NWD2: variants seen among roughly 807,000 people sequenced by gnomAD.
The protein encoded by NWD2 is NACHT and WD repeat domain containing 2, also known as NACHT and WD repeat domain-containing protein 2.
Under a neutral mutation model 132.7 loss-of-function variants are expected in NWD2, and 37 were observed. The ratio of observed to expected loss-of-function variants is 0.28; its 90% CI spans 0.21 to 0.37. The LOEUF is 0.37. NWD2 is among the 10% of genes least tolerant of loss of function. The probability of loss-of-function intolerance (pLI) is 1.00; values close to 1 mark genes in which losing one functional copy is unlikely to be tolerated. For missense variants in NWD2, 1,592 were observed against 2,122.4 expected, an observed-to-expected ratio of 0.75 and a Z score of 4.91; for synonymous variants, 705 against 803.0, an observed-to-expected ratio of 0.88 and a Z score of 2.06.
At chr4:37,404,323 C>T (rs915332557) in intron 3 of NWD2, among the ~76,000 whole-genome samples, 1 of 152,150 alleles carries the variant, frequency 6.6e-6, no homozygotes, top group African/African-American at 2.4e-5. Flanking sequence ...TTCTAATTGC[C>T]TCTGAAAAGC....
chr4:37,298,031 AG>A (rs1347738135), intron 1 of NWD2, among the ~76,000 whole-genome samples: 1 of 152,170 alleles, frequency 6.6e-6, no homozygotes, highest in African/African-American at 2.4e-5. Context: ...TGGGCGTCTC[AG>A]TAAGAGATGC....
chr4:37,317,921 G>A (rs1560393374), intron 1 of NWD2, among the ~76,000 whole-genome samples: 1 of 151,494 alleles, frequency 6.6e-6, no homozygotes, highest in African/African-American at 2.4e-5. Context: ...CTTTGGTTTA[G>A]TTAATGTTTT....
chr4:37,345,572 G>C (rs1054270369), intron 2 of NWD2, among the ~76,000 whole-genome samples: 2 of 152,042 alleles, frequency 1.3e-5, no homozygotes, highest in African/African-American at 4.8e-5. Flanking sequence ...TTACTGAGTT[G>C]TAGGAGTTCT....
At chr4:37,251,754 G>A (rs1263274533) in intron 1 of NWD2, among the ~76,000 whole-genome samples, 5 of 152,208 alleles carry the variant, frequency 3.3e-5, no homozygotes, top group Non-Finnish European at 5.9e-5. Context: ...AGCCCCTACA[G>A]TACTAAGGAG....
chr4:37,419,617 T>C (rs1213151450), intron 3 of NWD2, among the ~76,000 whole-genome samples: 1 of 152,138 alleles, frequency 6.6e-6, no homozygotes. Flanking sequence ...AATAGTCTAC[T>C]AATTTTTTAA....
In NWD2 at chr4:37,446,488, C is replaced by G. The variant is rs556319830; in HGVS notation, c.4500C>G (p.Ala1500=). The G allele has an allele frequency of 2.6e-6, 4 of 1,551,552 alleles. No individual in the cohort carries two copies. The highest frequency in any genetic ancestry group is 1.2e-5 in the South Asian group (1 of 84,046). ...ATATCATCGTGTTTATCACATCGGC[C>G]GAGACTGTGAACATCTGGAGTCTGA... ...CPDIIVFITS[A]ETVNIWSLTD... is the part of the protein sequence containing the mutation. The change falls in exon 7 of 7, where the codon GCC becomes GCG. Residue 1500 remains alanine, a synonymous_variant. Transcript: ENST00000309447. The surrounding 1 kb of genome is among the most constrained non-coding windows in gnomAD (Gnocchi z 6.7).
chr4:37,411,776 C>T (rs911615658), intron 3 of NWD2, among the ~76,000 whole-genome samples: 12 of 152,136 alleles, frequency 7.9e-5, no homozygotes, highest in African/African-American at 2.9e-4. Context: ...CATCAAAAAG[C>T]TTATCCACCA....
intron 1 of NWD2, among the ~76,000 whole-genome samples, chr4:37,260,113 G>A (rs751969515): frequency 3.1e-4 from 47 of 152,146 alleles, no homozygotes; most frequent in Non-Finnish European, 6.2e-4. Context: ...ATTTAGAAGG[G>A]AGCAATTGGA....
chr4:37,323,079 C>T (rs975051735), intron 1 of NWD2, among the ~76,000 whole-genome samples: 1 of 152,080 alleles, frequency 6.6e-6, no homozygotes, highest in African/African-American at 2.4e-5. Context: ...AACCCCTCTG[C>T]CCTTTGGTTT....
intron 1 of NWD2, among the ~76,000 whole-genome samples, chr4:37,254,271 C>T (rs1717465326): frequency 6.6e-6 from 1 of 152,116 alleles, no homozygotes; most frequent in Non-Finnish European, 1.5e-5. Context: ...GTTGAGAAAT[C>T]CCTGGCAATA....
chr4:37,392,883 C>T lies in NWD2; in HGVS notation c.357+36401C>T, dbSNP rs114035061. ...TCATCTTAAAACTAGAGGAGCTGAT[C>T]TCTCTTTTGGAGAATTTCCAAGGAC... On this transcript the variant is annotated intron_variant, in intron 3 of 6. Coordinates refer to ENST00000309447, the MANE Select transcript of NWD2 (RefSeq NM_001144990.2). Among the ~76,000 whole-genome samples, 1,415 of 152,318 alleles carry T rather than the reference C, an allele frequency of 9.3e-3. 26 individuals carry two copies. The highest frequency in any genetic ancestry group is 0.032 in the African/African-American group (1,334 of 41,564).
At chr4:37,338,286 C>T (rs576160628) in intron 2 of NWD2, among the ~76,000 whole-genome samples, 1 of 152,356 alleles carries the variant, frequency 6.6e-6, no homozygotes, top group South Asian at 2.1e-4. Context: ...CCAGCCGTGA[C>T]TGCCACTAGG....
chr4:37,326,221 GTGCT>G (rs1368632338), intron 2 of NWD2, among the ~76,000 whole-genome samples, 197 bp downstream of exon 2: 2 of 152,128 alleles, frequency 1.3e-5, no homozygotes, highest in African/African-American at 4.8e-5. Flanking sequence ...CTTTTATGCT[GTGCT>G]TCTTGGACCC....
rs2109331774 is a variant in NWD2, at chr4:37,445,550, G to A, written c.3562G>A (p.Glu1188Lys). The A allele has an allele frequency of 6.4e-7, 1 of 1,552,190 alleles. No homozygotes were observed. The highest frequency in any genetic ancestry group is 1.2e-5 in the South Asian group (1 of 84,062). The change falls in exon 7 of 7, where the codon GAA (glutamate) becomes AAA (lysine). Residue 1188 changes from glutamate to lysine, a missense_variant. Glu to Lys is a moderately conservative substitution (Grantham distance 56). This residue lies in a region of NWD2 where 1,071 missense variants were observed against 1,398.0 expected (regional missense o/e 0.77). Coordinates refer to ENST00000309447, the MANE Select transcript of NWD2 (RefSeq NM_001144990.2). The surrounding 1 kb of genome is among the most constrained non-coding windows in gnomAD (Gnocchi z 4.7). ...QLTDDFDCRR[E>K]DSEVVSIELS... Reference sequence around the variant, plus strand: ...GACTGATGACTTTGATTGCCGAAGAGAAGACAGTGAGGTGGTCAGCATTGA... The same window carrying A: ...GACTGATGACTTTGATTGCCGAAGAAAAGACAGTGAGGTGGTCAGCATTGA...
chr4:37,350,564 C>A (rs1412766244), intron 2 of NWD2, among the ~76,000 whole-genome samples: 2 of 152,174 alleles, frequency 1.3e-5, no homozygotes, highest in Non-Finnish European at 2.9e-5. Flanking sequence ...AGTTGCTTAT[C>A]AGCTTAAGGA....
In NWD2 at chr4:37,443,095, T is replaced by A. The variant is rs536943150; in HGVS notation, c.1297-190T>A. Among the ~76,000 whole-genome samples, 1 of 152,326 alleles carries A rather than the reference T, an allele frequency of 6.6e-6. No homozygotes were observed. The highest frequency in any genetic ancestry group is 2.1e-4 in the South Asian group (1 of 4,824). ...TAGGGGTAATCCTGAGGGTCTCACC[T>A]GTAGATTTTGGTACACAAGCTTCAT... is the stretch of plus-strand genomic sequence containing the variant. On this transcript the variant is annotated intron_variant, in intron 6 of 6. Coordinates refer to ENST00000309447, the MANE Select transcript of NWD2 (RefSeq NM_001144990.2). The surrounding 1 kb of genome is among the most constrained non-coding windows in gnomAD (Gnocchi z 4.1).
chr4:37,407,096 A>G (rs1721058290), intron 3 of NWD2, among the ~76,000 whole-genome samples: 2 of 152,166 alleles, frequency 1.3e-5, no homozygotes, highest in Admixed American at 1.3e-4. Context: ...GAAGGAGGGC[A>G]TTAGAACAAA....
At chr4:37,387,486 T>TC (rs1350464238) in intron 3 of NWD2, among the ~76,000 whole-genome samples, 1 of 151,738 alleles carries the variant, frequency 6.6e-6, no homozygotes, top group South Asian at 2.1e-4. Flanking sequence ...TGCAATCAAC[T>TC]CCATCAACAT....
At chr4:37,418,393 A>T (rs1414373059) in intron 3 of NWD2, among the ~76,000 whole-genome samples, 1 of 152,140 alleles carries the variant, frequency 6.6e-6, no homozygotes, top group Non-Finnish European at 1.5e-5. Context: ...AATGATGTAG[A>T]TACTCTCCTC....
Sources: gnomAD v4.1 joint callset for allele counts (sites outside exome capture counted in the v4.1 genomes callset) on GRCh38, gnomAD v4.1.1 for gene constraint, gnomAD v4.1.1 regional missense constraint, Gnocchi (gnomAD v3.1) non-coding constraint, MANE v1.5 for transcripts, NCBI Gene and HGNC (gene_info 2026-07-23, HGNC 2026-07-21) for gene names.